ASGR1: variants seen among roughly 807,000 people sequenced by gnomAD.
ASGR1 encodes asialoglycoprotein receptor 1.
A neutral mutation model predicts 33.1 loss-of-function variants in ASGR1; 35 were observed. The ratio of observed to expected loss-of-function variants is 1.06; its 90% CI spans 0.81 to 1.40. ASGR1 has a LOEUF of 1.40. Ranked by LOEUF, ASGR1 falls within the 40% of genes most tolerant of loss-of-function variation. ASGR1 has a pLI of 0.00. For missense variants in ASGR1, 396 were observed against 373.7 expected (o/e 1.06, Z -0.49); for synonymous variants, 142 against 152.5 (o/e 0.93, Z 0.51).
At chr17:7,175,932 C>A (rs566091624) in intron 5 of ASGR1, among the ~76,000 whole-genome samples, 3 of 147,774 alleles carry the variant, frequency 2.0e-5, no homozygotes, top group East Asian at 2.1e-4. Context: ...CCCTCTCATT[C>A]CCCCACACAC....
At chr17:7,175,977 C>T (rs1276186979) in intron 5 of ASGR1, among the ~76,000 whole-genome samples, 1 of 150,476 alleles carries the variant, frequency 6.6e-6, no homozygotes, top group African/African-American at 2.5e-5. Flanking sequence ...CACGTTCTCA[C>T]ACACATACAC....
Position 7,176,791 on chromosome 17 carries a change from T to TTC in ASGR1, c.355+37_355+38dup, listed in dbSNP as rs779547001. On this transcript the variant is annotated intron_variant, in intron 5 of 8. Transcript: ENST00000269299. Reference sequence around the variant, plus strand: ...ACACATCCACACATTCTCACTCTCTTTCACACACACACACACACACACACA... The same window carrying TTC: ...ACACATCCACACATTCTCACTCTCTTTCTCACACACACACACACACACACACA... 5.7e-5 allele frequency: 85 copies of TTC among 1,483,094 alleles called. No homozygotes were observed. In the African/African-American group the frequency reaches 6.6e-4, roughly 12 times the overall value. 91.9% of individuals were successfully genotyped at this position (1,483,094 alleles called of 1,614,324 possible).
In ASGR1 at chr17:7,173,926, G is replaced by T. The variant is rs140200078; in HGVS notation, c.701+35C>A. The T allele has an allele frequency of 1.2e-6, 2 of 1,613,110 alleles. No homozygotes were observed. Among genetic ancestry groups the T allele is most frequent in the South Asian group, 1.1e-5 (1 of 91,056 alleles). On this transcript the variant is annotated intron_variant, in intron 8 of 8. Coordinates refer to ENST00000269299, the MANE Select transcript of ASGR1 (RefSeq NM_001671.5). The surrounding 1 kb of genome is among the most constrained non-coding windows in gnomAD (Gnocchi z 4.7). ...GCCCAGGGCCCCAGGGCGCGAAGGC[G>T]GCCGGACCCAGGCCGAGGGAGGGCG...
At position 7,173,543 on chromosome 17, in the gene ASGR1, C is replaced by T; in HGVS notation, c.*116G>A. ...CTCACCTTCGGAACATCACCCTATC[C>T]TTCCCCTTCCCTTAAAATCCTAGAT... On this transcript the variant is annotated 3_prime_UTR_variant, in exon 9 of 9. Transcript: ENST00000269299. The surrounding 1 kb of genome is among the most constrained non-coding windows in gnomAD (Gnocchi z 4.7). 1 of 1,401,898 alleles carries T rather than the reference C, an allele frequency of 7.1e-7. No homozygotes were observed. The highest frequency in any genetic ancestry group is 9.7e-7 in the Non-Finnish European group (1 of 1,030,066). The allele number at this position is 1,401,898 out of a possible 1,614,324, so 86.8% of individuals were successfully genotyped here.
At chr17:7,176,301 AGACT>A (rs2069206383) in intron 5 of ASGR1, among the ~76,000 whole-genome samples, 1 of 143,496 alleles carries the variant, frequency 7.0e-6, no homozygotes, top group African/African-American at 2.7e-5. Flanking sequence ...TCACACTCAC[AGACT>A]CACACTCAGA....
chr17:7,177,414 G>A, intron 2 of ASGR1, 88 bp from the exon 3 acceptor site: 1 of 1,077,064 alleles, frequency 9.3e-7, no homozygotes, highest in South Asian at 1.5e-5. Context: ...AGCTAAGGCG[G>A]CCCTAGTAGT....
chr17:7,176,807 C>T lies in ASGR1; in HGVS notation c.355+23G>A, dbSNP rs376136532. ...TCACTCTCTTTCACACACACACACACACACACACACTCCCTCTCTGACCTT... is the reference window on the plus strand; with the variant it reads ...TCACTCTCTTTCACACACACACACATACACACACACTCCCTCTCTGACCTT... On this transcript the variant is annotated intron_variant, in intron 5 of 8. Transcript: ENST00000269299. The T allele has an allele frequency of 7.5e-5, 120 of 1,610,500 alleles. No homozygotes were observed. The African/African-American group carries it at 1.4e-3, about 18-fold the overall frequency.
At chr17:7,175,850 TCACA>T (rs140795886) in intron 5 of ASGR1, among the ~76,000 whole-genome samples, 7 of 133,504 alleles carry the variant, frequency 5.2e-5, no homozygotes, top group South Asian at 2.4e-4. Context: ...CATCTCATTC[TCACA>T]CACACTCCCA....
chr17:7,174,440 G>A lies in ASGR1; in HGVS notation c.376C>T (p.His126Tyr), dbSNP rs961699535. The A allele has an allele frequency of 1.9e-6, 3 of 1,613,374 alleles. No homozygotes were observed. The highest frequency in any genetic ancestry group is 1.7e-4 in the Middle Eastern group (1 of 6,020). Reference sequence around the variant, plus strand: ...AGGTCAGACACGAACTGCTTCACGTGGAGCAGCAGGCTGGAGTGATCTGGG... The same window carrying A: ...AGGTCAGACACGAACTGCTTCACGTAGAGCAGCAGGCTGGAGTGATCTGGG... ...LSEDHSSLLL[H>Y]VKQFVSDLRS... The change falls in exon 6 of 9, where the codon CAC becomes TAC. Residue 126 changes from histidine to tyrosine, a missense_variant. His to Tyr is a moderately conservative substitution (Grantham distance 83, BLOSUM62 2). Transcript: ENST00000269299.
Position 7,177,298 on chromosome 17 carries a change from C to G in ASGR1, c.99G>C (p.Gln33His), listed in dbSNP as rs757026715. The G allele has an allele frequency of 3.1e-6, 5 of 1,613,548 alleles. No individual in the cohort carries two copies. Among genetic ancestry groups the G allele is most frequent in the Middle Eastern group, 3.3e-4 (2 of 6,078 alleles). ...GGAGGCGAGGTCCGGAGCAGAGACG[C>G]TGCAGGAGGGGCTGGGGAGGAGGTG... ...KGPPPPQPLL[Q>H]RLCSGPRLLL... Residue 33 changes from glutamine (Q) to histidine (H), a missense_variant, in exon 3 of 9, where the codon CAG becomes CAC. Gln to His is a conservative substitution (Grantham distance 24). Transcript: ENST00000269299.
Position 7,174,274 on chromosome 17 carries a change from C to G in ASGR1, c.458G>C (p.Cys153Ser). The change falls in exon 7 of 9, where the codon TGC becomes TCC. Residue 153 changes from cysteine to serine, a missense_variant. Physicochemically the swap from Cys to Ser is moderately radical, Grantham distance 112. Coordinates refer to ENST00000269299, the MANE Select transcript of ASGR1 (RefSeq NM_001671.5). ...ALQGNGSERT[C>S]CPVNWVEHER... ...GTGCTCCACCCAGTTGACCGGGCAG[C>G]AGGTCCTTTCTGAGCCTGAGCGGGA... 6.2e-7 allele frequency: 1 copy of G among 1,613,970 alleles called. No homozygotes were observed. Among genetic ancestry groups the G allele is most frequent in the East Asian group, 2.2e-5 (1 of 44,888 alleles).
chr17:7,174,257 C>G lies in ASGR1; in HGVS notation c.475G>C (p.Val159Leu). The G allele has an allele frequency of 3.7e-6, 6 of 1,614,132 alleles. No individual in the cohort carries two copies. The highest frequency in any genetic ancestry group is 4.2e-6 in the Non-Finnish European group (5 of 1,179,996). The part of the protein sequence containing the change: ...SERTCCPVNW[V>L]EHERSCYWFS... ...CAGTAGCAGCTGCGCTCGTGCTCCA[C>G]CCAGTTGACCGGGCAGCAGGTCCTT... The change falls in exon 7 of 9, where the codon GTG (valine) becomes CTG (leucine). Residue 159 changes from valine to leucine, a missense_variant. Transcript: ENST00000269299.
Position 7,177,596 on chromosome 17 carries a change from C to T in ASGR1, c.71-270G>A, listed in dbSNP as rs2069233262. The T allele has an allele frequency of 1.3e-5, 5 of 388,632 alleles. No homozygotes were observed. In the Admixed American group the frequency reaches 2.1e-4, roughly 16 times the overall value. The allele number at this position is 388,632 out of a possible 1,614,324, so 24.1% of individuals were successfully genotyped here. A position where few individuals can be genotyped will look rare whatever the true frequency, so the allele number is the denominator to read the frequency against. On this transcript the variant is annotated intron_variant, in intron 2 of 8. Transcript: ENST00000269299. ...GACACCTAATGGCATGACTGCGTCA[C>T]TGCAGCCAATCCAGGAACCTCAGTC...
intron 5 of ASGR1, 28 bp from the exon 6 acceptor site, chr17:7,174,488 G>T (rs557931051): frequency 8.7e-6 from 14 of 1,602,620 alleles, no homozygotes; most frequent in Admixed American, 5.2e-5. Context: ...AGGGGAGCGG[G>T]AGGAGATGCG....
rs767486904 is a variant in ASGR1, at chr17:7,173,767, G to C, written c.768C>G (p.Ala256=). 3 of 1,613,514 alleles carry C rather than the reference G, an allele frequency of 1.9e-6. No individual in the cohort carries two copies. The South Asian group carries it at 3.3e-5, about 18-fold the overall frequency. Residue 256 remains alanine (A), a synonymous_variant, in exon 9 of 9, where the codon GCC becomes GCG. Transcript: ENST00000269299. This position sits in a 1 kb window ranked among gnomAD's most constrained non-coding sequence, Gnocchi z 4.7. The stretch of plus-strand genomic sequence containing the variant: ...TCCAGCGGCCGTCGTCGGTGAAGTG[G>C]GCACAGTCCTCGCCTCCTCCGAGCC... ...GHGLGGGEDC[A]HFTDDGRWND...
rs201653892 is a variant in ASGR1 at position 7,174,416 on chromosome 17, G to T, written c.400C>A (p.Leu134Met). ...GCCATCTGACAGCTCAGGCTCCGCA[G>T]GTCAGACACGAACTGCTTCACGTGG... ...LLHVKQFVSD[L>M]RSLSCQMAAL... The change falls in exon 6 of 9, where the codon CTG (leucine) becomes ATG (methionine). Residue 134 changes from leucine (L) to methionine (M), a missense_variant. By Grantham distance (15) the Leu-to-Met change is conservative. Coordinates refer to ENST00000269299, the MANE Select transcript of ASGR1 (RefSeq NM_001671.5). 8.1e-5 allele frequency: 131 copies of T among 1,613,744 alleles called. No homozygotes were observed. Among genetic ancestry groups the T allele is most frequent in the Non-Finnish European group, 1.1e-4 (128 of 1,179,934 alleles).
intron 1 of ASGR1, chr17:7,178,888 C>A: frequency 4.5e-6 from 1 of 224,042 alleles, no homozygotes; most frequent in Non-Finnish European, 8.7e-6. Context: ...AGGTGCACGC[C>A]ACCACGCCTG....
chr17:7,177,209 C>T lies in ASGR1; in HGVS notation c.187+1G>A, dbSNP rs1184902593. 1.2e-6 allele frequency: 2 copies of T among 1,613,634 alleles called. No homozygotes were observed. Among genetic ancestry groups the T allele is most frequent in the South Asian group, 2.2e-5 (2 of 90,994 alleles). ...CCCCTTCCCACCCCTGGGGCACCCA[C>T]TTTGGGATCCGATCACACAGACAAC... On this transcript the variant is annotated splice_donor_variant, in intron 3 of 8. Transcript: ENST00000269299. LOFTEE classifies it high-confidence loss of function.
At chr17:7,174,611 A>C in intron 5 of ASGR1, 151 bp from the exon 6 acceptor site, 1 of 668,690 alleles carries the variant, frequency 1.5e-6, no homozygotes, top group Non-Finnish European at 2.6e-6. Context: ...AGAGACCCCC[A>C]TACACACACA....
Sources: gnomAD v4.1 joint callset for allele counts (sites outside exome capture counted in the v4.1 genomes callset) on GRCh38, gnomAD v4.1.1 for gene constraint, Gnocchi (gnomAD v3.1) non-coding constraint, MANE v1.5 for transcripts, NCBI Gene and HGNC (gene_info 2026-07-23, HGNC 2026-07-21) for gene names.